STARD13: variants seen among roughly 807,000 people sequenced by gnomAD.
The protein encoded by STARD13 is StAR related lipid transfer domain containing 13, also known as stAR-related lipid transfer protein 13.
STARD13 carries 62 observed loss-of-function variants against 106.4 expected under a neutral mutation model. The observed-to-expected ratio is 0.58, with a 90% CI of 0.48 to 0.72. STARD13 has a LOEUF of 0.72. Ranked by LOEUF, STARD13 falls within the 30% of genes least tolerant of loss-of-function variation. The pLI, the probability that STARD13 is intolerant of heterozygous loss-of-function variation, is 0.00. For synonymous variants in STARD13, 565 were observed against 553.0 expected (o/e 1.02, Z -0.31); for missense variants, 1,387 against 1,424.0 (o/e 0.97, Z 0.42).
the STARD13 span, among the ~76,000 whole-genome samples, chr13:33,585,661 T>C: frequency 6.6e-6 from 1 of 152,218 alleles, no homozygotes; most frequent in Non-Finnish European, 1.5e-5. Context: ...ACCACTGTGC[T>C]CTGGCCTGGG....
the STARD13 span, among the ~76,000 whole-genome samples, chr13:33,361,502 C>A: frequency 6.6e-6 from 1 of 152,106 alleles, no homozygotes; most frequent in Non-Finnish European, 1.5e-5. Flanking sequence ...CCCCCTAACT[C>A]CTGCATTGTT....
chr13:33,378,153 G>A, the STARD13 span, among the ~76,000 whole-genome samples: 1,497 of 152,128 alleles, frequency 9.8e-3, 9 homozygotes, highest in Non-Finnish European at 0.017. Flanking sequence ...GTGTTCTCAG[G>A]GAAGTGGGTG....
At position 33,285,521 on chromosome 13, in the gene STARD13, T is replaced by C; in HGVS notation, c.118A>G (p.Arg40Gly). 6.2e-7 allele frequency: 1 copy of C among 1,614,096 alleles called. No homozygotes were observed. Among genetic ancestry groups the C allele is most frequent in the Non-Finnish European group, 8.5e-7 (1 of 1,179,936 alleles). Residue 40 changes from arginine to glycine, a missense_variant, in exon 1 of 14, where the codon AGG becomes GGG. Physicochemically the swap from Arg to Gly is moderately radical, Grantham distance 125. Coordinates refer to ENST00000336934, the MANE Select transcript of STARD13 (RefSeq NM_178006.4). Reference sequence around the variant, plus strand: ...TGGCGTGCTAGAATCCGGCTCATCCTGTAAGGAGAGCGTCTTGTAGTCTGA... The same window carrying C: ...TGGCGTGCTAGAATCCGGCTCATCCCGTAAGGAGAGCGTCTTGTAGTCTGA... Reference protein sequence around the residue: ...FDQTTRRSPYRMSRILARHQL... With the variant: ...FDQTTRRSPYGMSRILARHQL...
upstream of STARD13, among the ~76,000 whole-genome samples, chr13:33,353,459 G>T (rs2078098741): frequency 6.6e-6 from 1 of 152,080 alleles, no homozygotes; most frequent in African/African-American, 2.4e-5. Flanking sequence ...CCCTCCCCTG[G>T]GTTCCTCCTT....
At chr13:33,138,585 C>T in intron 4 of STARD13, 1 of 206,000 alleles carries the variant, frequency 4.9e-6, no homozygotes, top group Non-Finnish European at 1.0e-5. Flanking sequence ...CTGCAAAAGG[C>T]AACGCATCCA....
At chr13:33,612,591 G>A in the STARD13 span, among the ~76,000 whole-genome samples, 1 of 152,238 alleles carries the variant, frequency 6.6e-6, no homozygotes, top group Non-Finnish European at 1.5e-5. Flanking sequence ...ACTTCAGGGA[G>A]GCTGTTTTCT....
At chr13:33,168,978 C>T (rs950439818) in intron 1 of STARD13, among the ~76,000 whole-genome samples, 7 of 152,206 alleles carry the variant, frequency 4.6e-5, no homozygotes, top group East Asian at 1.9e-4. Flanking sequence ...TGCCCCGGAA[C>T]GCCTGCCTCT....
At chr13:33,161,275 A>G (rs1386739075) in intron 3 of STARD13, among the ~76,000 whole-genome samples, 1 of 152,092 alleles carries the variant, frequency 6.6e-6, no homozygotes, top group African/African-American at 2.4e-5. Context: ...AGCTGCTAAC[A>G]AGAGGAATAG....
the STARD13 span, among the ~76,000 whole-genome samples, chr13:33,412,035 G>T: frequency 3.9e-5 from 6 of 152,246 alleles, no homozygotes; most frequent in Admixed American, 6.5e-5. Flanking sequence ...CAAAAATATG[G>T]GTAAATATGA....
At chr13:33,648,285 C>T in the STARD13 span, among the ~76,000 whole-genome samples, 1,310 of 152,170 alleles carry the variant, frequency 8.6e-3, 16 homozygotes, top group African/African-American at 0.03. Flanking sequence ...ATTGACTTGC[C>T]GAGGCTCACT....
the STARD13 span, among the ~76,000 whole-genome samples, chr13:33,580,458 A>G: frequency 2.6e-5 from 4 of 152,160 alleles, no homozygotes; most frequent in Non-Finnish European, 2.9e-5. Flanking sequence ...ACTATTCTGT[A>G]CAATACCATA....
At chr13:33,134,044 C>T (rs146254286) in intron 4 of STARD13, among the ~76,000 whole-genome samples, 143 of 152,284 alleles carry the variant, frequency 9.4e-4, no homozygotes, top group Non-Finnish European at 1.8e-3. Context: ...GAAAAGGATA[C>T]ATCAAACTAA....
chr13:33,418,611 C>A, the STARD13 span, among the ~76,000 whole-genome samples: 11,127 of 152,216 alleles, frequency 0.073, 897 homozygotes, highest in East Asian at 0.3. Context: ...GGTGTTTGAG[C>A]TCTGAGAATG....
chr13:33,285,059 A>G (rs972767023), intron 1 of STARD13, among the ~76,000 whole-genome samples: 1 of 152,180 alleles, frequency 6.6e-6, no homozygotes, highest in Non-Finnish European at 1.5e-5. Flanking sequence ...GGATATTCGA[A>G]ATACTCTGGG....
At position 33,343,056 on chromosome 13, in the gene STARD13, C is replaced by T. The variant is rs564180416; in HGVS notation, c.124+7234G>A. On this transcript the variant is annotated intron_variant, in intron 1 of 5. Transcript: ENST00000567873. Reference sequence around the variant, plus strand: ...TCTGGCTCTGACTTTCCTACAAAGCCGATACTTATGCATCCAATTCCTTGA... The same window carrying T: ...TCTGGCTCTGACTTTCCTACAAAGCTGATACTTATGCATCCAATTCCTTGA... Among the ~76,000 whole-genome samples, 55 of 152,162 alleles carry T rather than the reference C, an allele frequency of 3.6e-4. 1 individual carries two copies. In the South Asian group the frequency reaches 0.011, roughly 29 times the overall value.
intron 1 of STARD13, among the ~76,000 whole-genome samples, chr13:33,313,841 C>T (rs1169409446): frequency 2.0e-5 from 3 of 152,198 alleles, no homozygotes; most frequent in Non-Finnish European, 4.4e-5. Context: ...AAACCTCTTA[C>T]TTTTGCCTAG....
chr13:33,347,689 T>C (rs539186424), downstream of STARD13, among the ~76,000 whole-genome samples: 109 of 152,298 alleles, frequency 7.2e-4, no homozygotes, highest in Non-Finnish European at 1.3e-3. Context: ...CCTAGGTGTG[T>C]AGTAGGCTAT....
chr13:33,425,803 C>T, the STARD13 span, among the ~76,000 whole-genome samples: 2 of 152,202 alleles, frequency 1.3e-5, no homozygotes, highest in East Asian at 1.9e-4. Context: ...GAAGTTTGCT[C>T]ATAACTTTGT....
At chr13:33,265,608 T>A (rs531692778) in intron 1 of STARD13, among the ~76,000 whole-genome samples, 2 of 152,330 alleles carry the variant, frequency 1.3e-5, no homozygotes, top group African/African-American at 4.8e-5. Context: ...CAAGCAACTA[T>A]AATGTTAGCA....
Sources: allele counts gnomAD v4.1 joint callset (sites outside exome capture counted in the v4.1 genomes callset), GRCh38; gene constraint gnomAD v4.1.1; transcripts MANE v1.5; gene names NCBI Gene and HGNC (gene_info 2026-07-23, HGNC 2026-07-21).